Variants in GINS1 observed in about 807,000 individuals in gnomAD.
GINS1 encodes the protein GINS complex subunit 1.
In GINS1, 26 loss-of-function variants were observed where a neutral mutation model predicts 34.9. That is an observed-to-expected ratio of 0.74 (90% CI 0.55 to 1.03). The LOEUF (loss-of-function observed/expected upper bound fraction) is 1.03, where lower values mean the gene tolerates loss of function less well. Ranked by LOEUF, GINS1 falls within the 50% of genes least tolerant of loss-of-function variation. GINS1 has a pLI of 0.00. For synonymous variants in GINS1, 97 were observed against 84.4 expected (o/e 1.15, Z -0.82); for missense variants, 235 against 237.9 (o/e 0.99, Z 0.08).
intron 6 of GINS1, among the ~76,000 whole-genome samples, chr20:25,442,636 C>A (rs2090488975): frequency 7.0e-6 from 1 of 143,386 alleles, no homozygotes. Context: ...GAGACGGAGT[C>A]TTGCTCTGTT....
intron 5 of GINS1, among the ~76,000 whole-genome samples, chr20:25,425,949 T>C (rs1455273364): frequency 6.6e-6 from 1 of 152,204 alleles, no homozygotes; most frequent in Admixed American, 6.5e-5. Flanking sequence ...GTTTTGCAGC[T>C]GTCACCACCA....
At chr20:25,407,939 C>T (rs752948354) in intron 1 of GINS1, 44 bp downstream of exon 1, 2 of 1,462,014 alleles carry the variant, frequency 1.4e-6, no homozygotes, top group South Asian at 2.3e-5. Context: ...GGCGTTGGGC[C>T]CTGGGCTCTG....
At chr20:25,409,844 A>C (rs1210598488) in intron 1 of GINS1, among the ~76,000 whole-genome samples, 1 of 152,222 alleles carries the variant, frequency 6.6e-6, no homozygotes, top group Non-Finnish European at 1.5e-5. Flanking sequence ...TGTAAATGCT[A>C]AAATGTGGCC....
intron 1 of GINS1, 38 bp from the exon 2 acceptor site, chr20:25,413,752 G>T: frequency 1.7e-6 from 2 of 1,158,960 alleles, no homozygotes; most frequent in South Asian, 1.2e-5. Flanking sequence ...AATTGGTGGG[G>T]AAATCAGTGG....
chr20:25,443,490 T>TG (rs1399159013), intron 6 of GINS1, among the ~76,000 whole-genome samples: 1 of 150,972 alleles, frequency 6.6e-6, no homozygotes, highest in East Asian at 1.9e-4. Context: ...TTTTTTTTTT[T>TG]TTTTTGAGAC....
At chr20:25,409,075 A>T in intron 1 of GINS1, 1 of 976,280 alleles carries the variant, frequency 1.0e-6, no homozygotes, top group Non-Finnish European at 1.2e-6. Flanking sequence ...CTGAGAAGGA[A>T]GCGAGGCATC....
intron 4 of GINS1, among the ~76,000 whole-genome samples, chr20:25,424,210 T>C (rs2146205096): frequency 6.6e-6 from 1 of 152,344 alleles, no homozygotes; most frequent in East Asian, 1.9e-4. Context: ...TTACTGTAAC[T>C]ATATAGTATA....
intron 1 of GINS1, among the ~76,000 whole-genome samples, chr20:25,412,683 G>A (rs2090293954): frequency 1.3e-5 from 2 of 152,108 alleles, no homozygotes; most frequent in African/African-American, 2.4e-5. Context: ...TACAACATGT[G>A]TATTTTAATA....
chr20:25,439,837 A>AC (rs2090472854), intron 5 of GINS1, among the ~76,000 whole-genome samples: 1 of 151,880 alleles, frequency 6.6e-6, no homozygotes. Context: ...TACTAAAAAT[A>AC]CAAAAAAATT....
intron 1 of GINS1, chr20:25,408,818 C>G (rs1262259115): frequency 1.7e-6 from 1 of 604,006 alleles, no homozygotes; most frequent in East Asian, 1.4e-4. Context: ...AGGATTTGAA[C>G]CCTGGCACTC....
chr20:25,415,586 G>A (rs2090315502), intron 2 of GINS1, among the ~76,000 whole-genome samples: 1 of 151,770 alleles, frequency 6.6e-6, no homozygotes, highest in South Asian at 2.1e-4. Context: ...TCCGGAGGTT[G>A]AGGCAGGAGA....
intron 5 of GINS1, among the ~76,000 whole-genome samples, chr20:25,425,834 TAATAA>T (rs2090387710): frequency 6.6e-6 from 1 of 152,188 alleles, no homozygotes; most frequent in African/African-American, 2.4e-5. Context: ...ATTTTTTAAA[TAATAA>T]AATACATATA....
intron 5 of GINS1, among the ~76,000 whole-genome samples, chr20:25,427,442 C>T (rs1009350694): frequency 2.0e-5 from 3 of 152,330 alleles, no homozygotes; most frequent in Middle Eastern, 3.4e-3. Context: ...AGGTGATCCT[C>T]CCGCCTCAGC....
intron 5 of GINS1, among the ~76,000 whole-genome samples, chr20:25,428,208 C>T (rs142103528): frequency 8.6e-4 from 131 of 151,924 alleles, no homozygotes; most frequent in Non-Finnish European, 1.5e-3. Flanking sequence ...CCTTAGGAGT[C>T]ATATCCCAGA....
chr20:25,416,180 GA>G (rs980920703), intron 2 of GINS1, among the ~76,000 whole-genome samples: 1 of 152,194 alleles, frequency 6.6e-6, no homozygotes, highest in Non-Finnish European at 1.5e-5. Context: ...GGTTACTAGA[GA>G]GGTGACCCAG....
chr20:25,438,420 A>G (rs2090465221), intron 5 of GINS1, among the ~76,000 whole-genome samples: 1 of 152,020 alleles, frequency 6.6e-6, no homozygotes, highest in African/African-American at 2.4e-5. Context: ...AAAATGGACA[A>G]TTTTAGCATC....
At position 25,448,024 on chromosome 20, in the gene GINS1, G is replaced by A. The variant is rs193082167; in HGVS notation, c.*2033G>A. 474 of 152,318 alleles carry A rather than the reference G, an allele frequency of 3.1e-3. 15 individuals are homozygous for A. Among genetic ancestry groups the A allele is most frequent in the Non-Finnish European group, 6.5e-4 (44 of 68,120 alleles). 9.4% of individuals were successfully genotyped at this position (152,318 alleles called of 1,614,324 possible). A position where few individuals can be genotyped will look rare whatever the true frequency, so the allele number is the denominator to read the frequency against. ...TGCATGCCTGTAGTCACAGTTACAC[G>A]GCAGGCTGAGGTGGGAGGATCACTT... On this transcript the variant is annotated 3_prime_UTR_variant, in exon 7 of 7. Coordinates refer to ENST00000262460, the MANE Select transcript of GINS1 (RefSeq NM_021067.5).
intron 5 of GINS1, among the ~76,000 whole-genome samples, chr20:25,441,158 G>A (rs1357575864): frequency 6.6e-6 from 1 of 152,174 alleles, no homozygotes; most frequent in African/African-American, 2.4e-5. Flanking sequence ...TAGTTGCAGA[G>A]GTAGATATCA....
At chr20:25,441,464 C>T (rs1337302166) in intron 5 of GINS1, among the ~76,000 whole-genome samples, 8 of 152,160 alleles carry the variant, frequency 5.3e-5, no homozygotes, top group Admixed American at 3.9e-4. Flanking sequence ...CTCCCTGCAT[C>T]GCCTTGCTGT....
Sources: allele counts gnomAD v4.1 joint callset (sites outside exome capture counted in the v4.1 genomes callset), GRCh38; gene constraint gnomAD v4.1.1; transcripts MANE v1.5; gene names NCBI Gene and HGNC (gene_info 2026-07-23, HGNC 2026-07-21).